Variants in MINDY4 observed in about 807,000 individuals in gnomAD.
The protein encoded by MINDY4 is probable ubiquitin carboxyl-terminal hydrolase MINDY-4.
Under a neutral mutation model 87.0 loss-of-function variants are expected in MINDY4, and 68 were observed. That is an observed-to-expected ratio of 0.78 (90% CI 0.64 to 0.96). The LOEUF (loss-of-function observed/expected upper bound fraction) is 0.96. Ranked by LOEUF, MINDY4 falls within the 40% of genes least tolerant of loss-of-function variation. The probability of loss-of-function intolerance (pLI) is 0.00; values close to 1 mark genes in which losing one functional copy is unlikely to be tolerated. For synonymous variants in MINDY4, 379 were observed against 363.2 expected, an observed-to-expected ratio of 1.04 and a Z score of -0.50; for missense variants, 919 against 928.2, an observed-to-expected ratio of 0.99 and a Z score of 0.13.
intron 5 of MINDY4, among the ~76,000 whole-genome samples, chr7:30,824,154 G>A (rs1305375267): frequency 6.6e-6 from 1 of 152,218 alleles, no homozygotes; most frequent in Non-Finnish European, 1.5e-5. Flanking sequence ...AGGTTGGAAA[G>A]TCCGAGGATG....
chr7:30,867,058 C>G (rs898193782), intron 13 of MINDY4, among the ~76,000 whole-genome samples: 12 of 152,172 alleles, frequency 7.9e-5, no homozygotes, highest in African/African-American at 2.9e-4. Context: ...TGCAACAGCC[C>G]TTTGAGGTAA....
chr7:30,773,312 G>A (rs1276951011), intron 1 of MINDY4, among the ~76,000 whole-genome samples: 1 of 152,186 alleles, frequency 6.6e-6, no homozygotes, highest in Non-Finnish European at 1.5e-5. Flanking sequence ...ATAGGTATAA[G>A]TATTCCCTTT....
intron 5 of MINDY4, among the ~76,000 whole-genome samples, chr7:30,817,772 C>T (rs1258324039): frequency 6.6e-6 from 1 of 152,216 alleles, no homozygotes; most frequent in Non-Finnish European, 1.5e-5. Flanking sequence ...CTAGCATGTG[C>T]GTGTCCATCC....
chr7:30,805,701 G>A (rs994377187), intron 5 of MINDY4, among the ~76,000 whole-genome samples: 2 of 152,236 alleles, frequency 1.3e-5, no homozygotes, highest in Non-Finnish European at 2.9e-5. Flanking sequence ...AAAGTGCTCC[G>A]GGGCAGAAAG....
chr7:30,859,388 G>T (rs149246791), intron 13 of MINDY4, 64 bp downstream of exon 13: 1 of 1,465,558 alleles, frequency 6.8e-7, no homozygotes, highest in East Asian at 2.3e-5. Flanking sequence ...CTGCTGCCTC[G>T]CTAGAGCCCA....
chr7:30,825,199 G>T (rs944293906), intron 5 of MINDY4, among the ~76,000 whole-genome samples: 1 of 152,214 alleles, frequency 6.6e-6, no homozygotes, highest in Non-Finnish European at 1.5e-5. Context: ...GCAAGAACAT[G>T]CTTTTAAACT....
intron 14 of MINDY4, among the ~76,000 whole-genome samples, chr7:30,873,743 C>T (rs529123910): frequency 9.8e-5 from 15 of 152,310 alleles, no homozygotes; most frequent in African/African-American, 3.4e-4. Context: ...AGATTTTAGA[C>T]ACAGATCAGG....
chr7:30,859,590 G>T (rs1789688761), intron 13 of MINDY4, among the ~76,000 whole-genome samples: 2 of 152,214 alleles, frequency 1.3e-5, no homozygotes, highest in African/African-American at 4.8e-5. Context: ...AGCTTGCCTG[G>T]AACTGCAGTG....
chr7:30,852,429 C>A, intron 11 of MINDY4, 150 bp downstream of exon 11: 1 of 1,448,514 alleles, frequency 6.9e-7, no homozygotes, highest in Non-Finnish European at 9.2e-7. Context: ...AGGGTGGGGA[C>A]AGACGTGGGG....
At position 30,785,990 on chromosome 7, in the gene MINDY4, C is replaced by T; in HGVS notation, c.661C>T (p.Gln221Ter). Residue 221 changes from glutamine (Q) to a stop codon, truncating the protein, a stop_gained and splice_region_variant, in exon 4 of 18, where the codon CAG becomes TAG. Coordinates refer to ENST00000265299, the MANE Select transcript of MINDY4 (RefSeq NM_032222.3). LOFTEE classifies it high-confidence loss of function. ...GTCTGGGCCCATCGCCAGCTCCCCA[C>T]AGGTGGGGCTGTTGCTCTTTCTGTT... ...MMSGPIASSP[Q>*]DSFHRHYLRR... is the part of the protein sequence containing the mutation. 2.5e-6 allele frequency: 4 copies of T among 1,613,928 alleles called. No homozygotes were observed. Among genetic ancestry groups the T allele is most frequent in the Non-Finnish European group, 3.4e-6 (4 of 1,179,910 alleles).
intron 5 of MINDY4, among the ~76,000 whole-genome samples, chr7:30,793,466 A>C (rs1787386165): frequency 6.8e-6 from 1 of 146,024 alleles, no homozygotes; most frequent in Non-Finnish European, 1.5e-5. Flanking sequence ...CCTAGGATGG[A>C]GCACAGTGGC....
Position 30,852,373 on chromosome 7 carries a change from G to A in MINDY4, c.1611+94G>A. On this transcript the variant is annotated intron_variant, in intron 11 of 17. Coordinates refer to ENST00000265299, the MANE Select transcript of MINDY4 (RefSeq NM_032222.3). ...TAAATCCTTCCTCAGCTGGGGACAG[G>A]CTGGCCTTCCGCAGCCCAGGTCCCA... 1.9e-6 allele frequency: 3 copies of A among 1,587,746 alleles called. No individual in the cohort carries two copies. The South Asian group carries it at 3.5e-5, about 18-fold the overall frequency.
At chr7:30,873,995 G>GA (rs779138495) in intron 14 of MINDY4, among the ~76,000 whole-genome samples, 33 of 152,344 alleles carry the variant, frequency 2.2e-4, no homozygotes, top group Non-Finnish European at 3.8e-4. Context: ...CACTGGGGCA[G>GA]GGGTATTGGT....
At chr7:30,781,756 A>T (rs957421918) in intron 2 of MINDY4, 2 of 528,816 alleles carry the variant, frequency 3.8e-6, no homozygotes, top group African/African-American at 1.9e-5. Context: ...CATGCGTTGG[A>T]TGCTAGTTCT....
chr7:30,846,049 G>A (rs879897212), intron 9 of MINDY4, among the ~76,000 whole-genome samples: 2 of 152,160 alleles, frequency 1.3e-5, no homozygotes, highest in Admixed American at 6.5e-5. Flanking sequence ...TCTGAGAGTC[G>A]GGGAATCCAG....
intron 5 of MINDY4, among the ~76,000 whole-genome samples, chr7:30,800,948 G>A (rs1474539166): frequency 1.3e-5 from 2 of 152,182 alleles, no homozygotes; most frequent in East Asian, 1.9e-4. Flanking sequence ...CGTTGCCCTT[G>A]TTGCATAATT....
At chr7:30,786,886 A>G (rs1431139449) in intron 4 of MINDY4, among the ~76,000 whole-genome samples, 1 of 152,258 alleles carries the variant, frequency 6.6e-6, no homozygotes, top group African/African-American at 2.4e-5. Context: ...GTAAAACAAC[A>G]ATCAGAAAAG....
chr7:30,812,966 C>T (rs1006573720), intron 5 of MINDY4, among the ~76,000 whole-genome samples: 5 of 152,202 alleles, frequency 3.3e-5, no homozygotes, highest in East Asian at 1.9e-4. Context: ...CTTTGGTCAG[C>T]GCTCTTCCTG....
intron 10 of MINDY4, among the ~76,000 whole-genome samples, chr7:30,851,641 A>T (rs1789415807): frequency 6.6e-6 from 1 of 152,224 alleles, no homozygotes; most frequent in Admixed American, 6.5e-5. Flanking sequence ...GGCAGCCCTG[A>T]GAACAGATGG....
Sources: allele counts gnomAD v4.1 joint callset (sites outside exome capture counted in the v4.1 genomes callset), GRCh38; gene constraint gnomAD v4.1.1; transcripts MANE v1.5; gene names NCBI Gene and HGNC (gene_info 2026-07-23, HGNC 2026-07-21).